IRX2: variants seen among roughly 807,000 people sequenced by gnomAD.
IRX2 encodes iroquois-class homeodomain protein IRX-2.
In IRX2, 26 loss-of-function variants were observed where a neutral mutation model predicts 42.9. The observed-to-expected ratio is 0.61, with a 90% CI of 0.44 to 0.84. The LOEUF is 0.84. Among genes scored for constraint, IRX2 ranks in the 40% least tolerant of loss-of-function variants. The pLI is 0.00. For synonymous variants in IRX2, 424 were observed against 353.9 expected (o/e 1.20, Z -2.22); for missense variants, 782 against 713.9 (o/e 1.10, Z -1.09).
chr5:2,748,494 TG>T lies in IRX2; in HGVS notation c.1213del (p.Gln405ArgfsTer160). 6.3e-7 allele frequency: 1 copy of T among 1,581,060 alleles called. No homozygotes were observed. On this transcript the variant is annotated frameshift_variant, in exon 3 of 4. Transcript: ENST00000302057. LOFTEE classifies it high-confidence loss of function. ...YGNLNAALQG[Q>X]GLLRYNSAAA... ...CGCAGAGTTGTACCGCAGGAGACCC[TG>T]GCCCTGCAGCGCCGCGTTCAAGTTC...
chr5:2,737,217 G>C, the IRX2 span: 1 of 152,328 alleles, frequency 6.6e-6, no homozygotes, highest in South Asian at 2.1e-4. Flanking sequence ...CACGTGGGTA[G>C]CAAGTGACAA....
the IRX2 span, chr5:2,737,680 T>G: frequency 1.3e-5 from 2 of 152,278 alleles, no homozygotes; most frequent in African/African-American, 2.4e-5. Flanking sequence ...GGACCATGCC[T>G]GGGTGTTCAC....
At chr5:2,739,592 G>A in the IRX2 span, among the ~76,000 whole-genome samples, 1 of 152,208 alleles carries the variant, frequency 6.6e-6, no homozygotes, top group Non-Finnish European at 1.5e-5. Context: ...CGGGCGCTCG[G>A]CACCTCCCCT....
In IRX2 at chr5:2,750,122, T is replaced by C. The variant is rs372817974; in HGVS notation, c.250-335A>G. On this transcript the variant is annotated intron_variant, in intron 1 of 3. Transcript: ENST00000302057. ...CAGGCCCACAGGTAGCTCTTTGATA[T>C]CTAAATTTCTGCAGATGCTTGGAGT... Among the ~76,000 whole-genome samples, 5 of 152,084 alleles carry C rather than the reference T, an allele frequency of 3.3e-5. No homozygotes were observed. In the South Asian group the frequency reaches 8.3e-4, roughly 25 times the overall value.
chr5:2,740,773 G>A, the IRX2 span, among the ~76,000 whole-genome samples: 1 of 152,186 alleles, frequency 6.6e-6, no homozygotes, highest in Non-Finnish European at 1.5e-5. Flanking sequence ...AGCCGGGCCA[G>A]CGCCTCCAGC....
chr5:2,741,490 G>A (rs935395131), downstream of IRX2, among the ~76,000 whole-genome samples: 4 of 152,160 alleles, frequency 2.6e-5, no homozygotes, highest in Non-Finnish European at 5.9e-5. Flanking sequence ...AAGGAGGAGA[G>A]GTGTAGGGGT....
the IRX2 span, among the ~76,000 whole-genome samples, chr5:2,739,368 T>C: frequency 6.6e-6 from 1 of 152,204 alleles, no homozygotes. Context: ...CGGTGTCCAC[T>C]GCCCGCCTGG....
chr5:2,740,868 C>A (rs1259159560), downstream of IRX2, among the ~76,000 whole-genome samples: 1 of 152,150 alleles, frequency 6.6e-6, no homozygotes, highest in Non-Finnish European at 1.5e-5. Context: ...CACTGAGGAG[C>A]CTGTCTTGGA....
Position 2,749,881 on chromosome 5 carries a change from T to C in IRX2, c.250-94A>G, listed in dbSNP as rs983431770. The stretch of plus-strand genomic sequence containing the variant: ...CCCCTCCGCCCGCCCACGGCCACCG[T>C]TCCCCCCGTGAGTCTGGCTCTGGGG... On this transcript the variant is annotated intron_variant, in intron 1 of 3. Coordinates refer to ENST00000302057, the MANE Select transcript of IRX2 (RefSeq NM_033267.5). The C allele has an allele frequency of 3.0e-6, 4 of 1,323,088 alleles. No homozygotes were observed. In the South Asian group the frequency reaches 4.4e-5, roughly 14 times the overall value. The allele number at this position is 1,323,088 out of a possible 1,614,324, so 82.0% of individuals were successfully genotyped here.
At chr5:2,740,438 A>G in the IRX2 span, among the ~76,000 whole-genome samples, 4 of 151,860 alleles carry the variant, frequency 2.6e-5, no homozygotes, top group East Asian at 7.8e-4. Context: ...TCTCGGTGTG[A>G]CCAACTAAGC....
Position 2,748,377 on chromosome 5 carries a change from C to A in IRX2, c.1331G>T (p.Arg444Leu). The A allele has an allele frequency of 6.8e-7, 1 of 1,468,652 alleles. No homozygotes were observed. The highest frequency in any genetic ancestry group is 1.5e-5 in the African/African-American group (1 of 67,918). The allele number at this position is 1,468,652 out of a possible 1,614,324, so 91.0% of individuals were successfully genotyped here. A position where few individuals can be genotyped will look rare whatever the true frequency, so the allele number is the denominator to read the frequency against. The part of the protein sequence containing the change: ...AGAHPLESHY[R>L]SPGGGYEPKK... ...GGGCTCGTAGCCGCCGCCCGGGGACCGGTAGTGGGACTCGAGCGGGTGCGC... is the reference window on the plus strand; with the variant it reads ...GGGCTCGTAGCCGCCGCCCGGGGACAGGTAGTGGGACTCGAGCGGGTGCGC... Residue 444 changes from arginine (R) to leucine (L), a missense_variant, in exon 3 of 4, where the codon CGG (arginine) becomes CTG (leucine). Arg to Leu is a moderately radical substitution (Grantham distance 102). Transcript: ENST00000302057.
At position 2,749,779 on chromosome 5, in the gene IRX2, G is replaced by A; in HGVS notation, c.258C>T (p.Pro86=). ...AAGFPSYMGA[P]YDAHTTGMTG... ...TCATGCCGGTGGTGTGCGCGTCGTA[G>A]GGTGCGCCCTGGAACCAACAAGAGC... is the stretch of plus-strand genomic sequence containing the variant. The change falls in exon 2 of 4, where the codon CCC becomes CCT. Residue 86 remains proline, a synonymous_variant. Coordinates refer to ENST00000302057, the MANE Select transcript of IRX2 (RefSeq NM_033267.5). The A allele has an allele frequency of 6.2e-7, 1 of 1,604,698 alleles. No homozygotes were observed. The highest frequency in any genetic ancestry group is 8.5e-7 in the Non-Finnish European group (1 of 1,175,696).
intron 1 of IRX2, among the ~76,000 whole-genome samples, chr5:2,750,942 C>A (rs572713224): frequency 3.0e-4 from 45 of 151,956 alleles, no homozygotes; most frequent in African/African-American, 1.0e-3. Context: ...GGGGGGCGCG[C>A]GGGTCCCGGC....
At chr5:2,748,316 C>A in intron 3 of IRX2, 29 bp downstream of exon 3, 2 of 1,379,712 alleles carry the variant, frequency 1.4e-6, no homozygotes, top group South Asian at 3.4e-5. Context: ...CCCTCCCCTC[C>A]CGGGCGCCGC....
At chr5:2,745,296 C>G (rs1289035457), downstream of IRX2, among the ~76,000 whole-genome samples, 8 of 152,180 alleles carry the variant, frequency 5.3e-5, no homozygotes, top group Middle Eastern at 3.4e-3. Flanking sequence ...ATCTAAGAAG[C>G]TATTATTCTT....
Position 2,751,282 on chromosome 5 carries a change from C to T in IRX2, c.132G>A (p.Ala44=). The T allele has an allele frequency of 2.8e-6, 4 of 1,429,314 alleles. No individual in the cohort carries two copies. The highest frequency in any genetic ancestry group is 3.2e-5 in the East Asian group (1 of 31,142). The allele number at this position is 1,429,314 out of a possible 1,614,324, so 88.5% of individuals were successfully genotyped here. A position where few individuals can be genotyped will look rare whatever the true frequency, so the allele number is the denominator to read the frequency against. ...EELARSASGS[A]FSPYPGSAAF... is the part of the protein sequence containing the mutation. ...CCGCCGAGCCCGGGTAGGGGCTGAA[C>T]GCCGAGCCCGACGCCGAGCGCGCCA... Residue 44 remains alanine (A), a synonymous_variant, in exon 1 of 4, where the codon GCG becomes GCA. Coordinates refer to ENST00000302057, the MANE Select transcript of IRX2 (RefSeq NM_033267.5). This position sits in a 1 kb window ranked among gnomAD's most constrained non-coding sequence, Gnocchi z 4.0.
the IRX2 span, among the ~76,000 whole-genome samples, chr5:2,736,060 C>T: frequency 6.6e-6 from 1 of 152,208 alleles, no homozygotes; most frequent in Admixed American, 6.5e-5. Flanking sequence ...TCTGAACTGA[C>T]CTTCTTACCC....
the IRX2 span, among the ~76,000 whole-genome samples, chr5:2,736,203 G>A: frequency 1.3e-5 from 2 of 152,124 alleles, no homozygotes; most frequent in African/African-American, 2.4e-5. Flanking sequence ...GTGTGCAGGT[G>A]GGAGGATGAG....
chr5:2,749,636 T>C lies in IRX2; in HGVS notation c.401A>G (p.Asn134Ser). ...DATATLKAWL[N>S]EHRKNPYPTK... ...GGGGTAGGGGTTCTTGCGGTGCTCG[T>C]TGAGCCAGGCCTTGAGAGTGGCCGT... The change falls in exon 2 of 4, where the codon AAC becomes AGC. Residue 134 changes from asparagine (N) to serine (S), a missense_variant. Asn to Ser is a conservative substitution (Grantham distance 46). Transcript: ENST00000302057. The C allele has an allele frequency of 6.2e-7, 1 of 1,614,230 alleles. No individual in the cohort carries two copies. The highest frequency in any genetic ancestry group is 8.5e-7 in the Non-Finnish European group (1 of 1,180,030).
Sources: gnomAD v4.1 joint callset for allele counts (sites outside exome capture counted in the v4.1 genomes callset) on GRCh38, gnomAD v4.1.1 for gene constraint, Gnocchi (gnomAD v3.1) non-coding constraint, MANE v1.5 for transcripts, NCBI Gene and HGNC (gene_info 2026-07-23, HGNC 2026-07-21) for gene names.